The following EDIL3 variants were observed in gnomAD, a reference collection of about 807,000 sequenced individuals.
EDIL3 encodes EGF-like repeat and discoidin I-like domain-containing protein 3.
Under a neutral mutation model 67.4 loss-of-function variants are expected in EDIL3, and 37 were observed. That is an observed-to-expected ratio of 0.55 (90% CI 0.42 to 0.72). The LOEUF (loss-of-function observed/expected upper bound fraction) is 0.72, where lower values mean the gene tolerates loss of function less well. EDIL3 is among the 30% of genes least tolerant of loss of function. EDIL3 has a pLI of 0.00. For synonymous variants in EDIL3, 195 were observed against 196.3 expected, an observed-to-expected ratio of 0.99 and a Z score of 0.05; for missense variants, 527 against 586.3, an observed-to-expected ratio of 0.90 and a Z score of 1.04.
chr5:84,248,624 T>G (rs1744960334), intron 2 of EDIL3, among the ~76,000 whole-genome samples: 1 of 152,172 alleles, frequency 6.6e-6, no homozygotes, highest in Non-Finnish European at 1.5e-5. Flanking sequence ...TCTATCAAAT[T>G]TGTCAAATTC....
chr5:84,262,905 A>T (rs992374393), intron 1 of EDIL3, among the ~76,000 whole-genome samples: 5 of 151,788 alleles, frequency 3.3e-5, no homozygotes, highest in Non-Finnish European at 1.5e-5. Context: ...TCCTGAGCTC[A>T]GACAATCTGC....
intron 1 of EDIL3, among the ~76,000 whole-genome samples, chr5:84,346,135 CTTTTT>C (rs912729041): frequency 2.8e-4 from 34 of 122,910 alleles, no homozygotes; most frequent in African/African-American, 8.6e-4. Flanking sequence ...CTTTTTTTTT[CTTTTT>C]TTTTTTTTTT....
chr5:84,164,107 A>AT (rs367592785), intron 4 of EDIL3, among the ~76,000 whole-genome samples: 5 of 152,010 alleles, frequency 3.3e-5, no homozygotes, highest in East Asian at 1.9e-4. Context: ...CTGAAAAAAT[A>AT]TTTTTTTTAA....
At chr5:84,330,570 A>C (rs1489598839) in intron 1 of EDIL3, among the ~76,000 whole-genome samples, 2 of 152,178 alleles carry the variant, frequency 1.3e-5, no homozygotes, top group Non-Finnish European at 2.9e-5. Context: ...TACCTTGATG[A>C]AGGTACAAAC....
At chr5:84,157,756 A>C (rs1748519135) in intron 4 of EDIL3, among the ~76,000 whole-genome samples, 1 of 152,016 alleles carries the variant, frequency 6.6e-6, no homozygotes, top group Non-Finnish European at 1.5e-5. Context: ...TAATCTCTCT[A>C]AATTCTTGTT....
At chr5:83,979,847 G>A (rs746741739) in intron 9 of EDIL3, among the ~76,000 whole-genome samples, 1 of 152,088 alleles carries the variant, frequency 6.6e-6, no homozygotes, top group Non-Finnish European at 1.5e-5. Flanking sequence ...CGGAGGTCAA[G>A]AATTCTCTTA....
At chr5:83,989,281 G>A (rs1038689400) in intron 9 of EDIL3, among the ~76,000 whole-genome samples, 1 of 152,132 alleles carries the variant, frequency 6.6e-6, no homozygotes, top group Admixed American at 6.6e-5. Flanking sequence ...TTAGATAAAG[G>A]TCTGGAATCT....
At chr5:83,948,827 A>G (rs1744358840) in intron 10 of EDIL3, among the ~76,000 whole-genome samples, 1 of 151,824 alleles carries the variant, frequency 6.6e-6, no homozygotes, top group Non-Finnish European at 1.5e-5. Context: ...AGGAAAATTT[A>G]CCAGCATCCT....
At chr5:83,982,768 A>C (rs1382097545) in intron 9 of EDIL3, among the ~76,000 whole-genome samples, 1 of 152,134 alleles carries the variant, frequency 6.6e-6, no homozygotes, top group Non-Finnish European at 1.5e-5. Flanking sequence ...ACAGTGTTAC[A>C]ATTCAGGGAG....
chr5:84,308,649 A>G (rs1179224197), intron 1 of EDIL3, among the ~76,000 whole-genome samples: 1 of 152,198 alleles, frequency 6.6e-6, no homozygotes. Flanking sequence ...ATATTAAAAT[A>G]AAACAGACAG....
chr5:84,346,143 T>C (rs142606028), intron 1 of EDIL3, among the ~76,000 whole-genome samples: 106 of 148,280 alleles, frequency 7.1e-4, no homozygotes, highest in Non-Finnish European at 1.4e-3. Flanking sequence ...TTCTTTTTTT[T>C]TTTTTTTTTT....
intron 2 of EDIL3, among the ~76,000 whole-genome samples, chr5:84,230,450 C>T (rs1208517904): frequency 6.6e-6 from 1 of 151,404 alleles, no homozygotes; most frequent in Non-Finnish European, 1.5e-5. Context: ...TCTTGTTGCC[C>T]AGGCTGGAGT....
chr5:84,335,800 G>C (rs988070729), intron 1 of EDIL3, among the ~76,000 whole-genome samples: 2 of 152,152 alleles, frequency 1.3e-5, no homozygotes, highest in Non-Finnish European at 2.9e-5. Context: ...GTCTAAGACT[G>C]GGTAGTTTAT....
Position 84,074,144 on chromosome 5 carries a change from T to G in EDIL3, c.652-7538A>C, listed in dbSNP as rs972752567. 2.2e-3 allele frequency among the ~76,000 whole-genome samples: 333 copies of G among 151,760 alleles called. 1 individual carries two copies. Among genetic ancestry groups the G allele is most frequent in the African/African-American group, 7.4e-3 (307 of 41,246 alleles). Reference sequence around the variant, plus strand: ...TGGTGCTGGGAAAACTGGCTAGCCATATGTAGAAAGCGGAAACTGGATCCC... The same window carrying G: ...TGGTGCTGGGAAAACTGGCTAGCCAGATGTAGAAAGCGGAAACTGGATCCC... On this transcript the variant is annotated intron_variant, in intron 6 of 10. Coordinates refer to ENST00000296591, the MANE Select transcript of EDIL3 (RefSeq NM_005711.5).
At chr5:84,015,208 G>A (rs1354746129) in intron 9 of EDIL3, among the ~76,000 whole-genome samples, 1 of 152,176 alleles carries the variant, frequency 6.6e-6, no homozygotes, top group African/African-American at 2.4e-5. Context: ...TGTGGGCTCT[G>A]AAGGACAGTA....
intron 9 of EDIL3, among the ~76,000 whole-genome samples, chr5:83,968,818 C>T (rs183311998): frequency 9.2e-5 from 14 of 151,898 alleles, no homozygotes; most frequent in Non-Finnish European, 1.6e-4. Context: ...TTCAACTGCA[C>T]GTTTTTCACT....
chr5:84,262,103 C>T (rs1039355449), intron 1 of EDIL3, among the ~76,000 whole-genome samples: 2 of 152,128 alleles, frequency 1.3e-5, no homozygotes, highest in Admixed American at 6.5e-5. Context: ...CTTAAAAGAA[C>T]CTACAGTTTC....
At chr5:84,331,189 TCAG>T (rs1218075974) in intron 1 of EDIL3, among the ~76,000 whole-genome samples, 1 of 152,214 alleles carries the variant, frequency 6.6e-6, no homozygotes, top group Non-Finnish European at 1.5e-5. Context: ...TTGCCTTATC[TCAG>T]CTGAGACTTC....
At chr5:84,133,351 A>G (rs702511) in intron 5 of EDIL3, among the ~76,000 whole-genome samples, 77,098 of 150,716 alleles carry the variant, frequency 0.51, 20,182 homozygotes, top group African/African-American at 0.64. Context: ...GTCTGCGCGC[A>G]GTAGCTCATG....
Sources: allele counts gnomAD v4.1 joint callset (sites outside exome capture counted in the v4.1 genomes callset), GRCh38; gene constraint gnomAD v4.1.1; transcripts MANE v1.5; gene names NCBI Gene and HGNC (gene_info 2026-07-23, HGNC 2026-07-21).